ROBO2: variants seen among roughly 807,000 people sequenced by gnomAD.
The protein encoded by ROBO2 is roundabout guidance receptor 2, also known as roundabout homolog 2.
ROBO2 carries 53 observed loss-of-function variants against 160.8 expected under a neutral mutation model. The observed-to-expected ratio is 0.33, with a 90% CI of 0.26 to 0.41. The LOEUF is 0.41. Ranked by LOEUF, ROBO2 falls within the 10% of genes least tolerant of loss-of-function variation. ROBO2 has a pLI of 1.00. For missense variants in ROBO2, 1,577 were observed against 1,722.4 expected, an observed-to-expected ratio of 0.92 and a Z score of 1.49; for synonymous variants, 664 against 611.7, an observed-to-expected ratio of 1.09 and a Z score of -1.26.
At chr3:76,257,306 G>GTA (rs1384245652) in intron 2 of ROBO2, among the ~76,000 whole-genome samples, 1 of 152,054 alleles carries the variant, frequency 6.6e-6, no homozygotes, top group African/African-American at 2.4e-5. Context: ...ATGTGTGTGT[G>GTA]TGTGTGAACA....
chr3:76,367,271 C>T (rs966095075), intron 2 of ROBO2, among the ~76,000 whole-genome samples: 1 of 151,926 alleles, frequency 6.6e-6, no homozygotes, highest in Non-Finnish European at 1.5e-5. Context: ...CATTTGTCCC[C>T]CTCTCTATTG....
chr3:77,244,835 G>C (rs1227711600), intron 2 of ROBO2, among the ~76,000 whole-genome samples: 1 of 145,404 alleles, frequency 6.9e-6, no homozygotes, highest in Non-Finnish European at 1.5e-5. Flanking sequence ...CCGAGATCCT[G>C]CCATTGCACT....
intron 2 of ROBO2, among the ~76,000 whole-genome samples, chr3:77,108,199 C>T (rs950922452): frequency 3.4e-5 from 5 of 148,304 alleles, no homozygotes; most frequent in African/African-American, 1.3e-4. Flanking sequence ...TATGTATACA[C>T]ATATGCATAT....
chr3:76,920,143 A>C (rs1056888566), intron 2 of ROBO2, among the ~76,000 whole-genome samples: 1 of 151,712 alleles, frequency 6.6e-6, no homozygotes, highest in African/African-American at 2.4e-5. Context: ...CCGTTATTTT[A>C]TTTTTTCTGT....
In ROBO2 at chr3:76,995,781, C is replaced by T. The variant is rs192530548; in HGVS notation, c.110-102233C>T. On this transcript the variant is annotated intron_variant, in intron 2 of 26. Coordinates refer to the ROBO2 transcript ENST00000487694. ...GAAGTGTCTGTTCATATCGTTTGCCCACTTTTTGATGGGGTTGTTTGTTTT... is the reference window on the plus strand; with the variant it reads ...GAAGTGTCTGTTCATATCGTTTGCCTACTTTTTGATGGGGTTGTTTGTTTT... Among the ~76,000 whole-genome samples, 170 of 152,220 alleles carry T rather than the reference C, an allele frequency of 1.1e-3. 2 individuals are homozygous for T. The highest frequency in any genetic ancestry group is 3.9e-3 in the African/African-American group (160 of 41,540).
chr3:76,252,557 C>T (rs372273066), intron 2 of ROBO2, among the ~76,000 whole-genome samples: 1 of 151,682 alleles, frequency 6.6e-6, no homozygotes, highest in East Asian at 1.9e-4. Context: ...TGCATATTTA[C>T]ATATGCACAC....
intron 2 of ROBO2, among the ~76,000 whole-genome samples, chr3:76,091,546 A>G (rs1365034847): frequency 1.3e-5 from 2 of 152,136 alleles, no homozygotes; most frequent in Non-Finnish European, 2.9e-5. Flanking sequence ...ACCGGCTCTT[A>G]TCATATAATC....
intron 2 of ROBO2, among the ~76,000 whole-genome samples, chr3:76,551,063 G>A (rs981479436): frequency 6.6e-6 from 1 of 152,100 alleles, no homozygotes; most frequent in African/African-American, 2.4e-5. Context: ...AGCTCCAGGT[G>A]GAGTTGGTGG....
intron 14 of ROBO2, among the ~76,000 whole-genome samples, chr3:77,575,309 T>A (rs2093733616): frequency 6.6e-6 from 1 of 152,084 alleles, no homozygotes; most frequent in African/African-American, 2.4e-5. Flanking sequence ...GTTCATTTAG[T>A]AGTATCTCTT....
At position 76,786,867 on chromosome 3, in the gene ROBO2, T is replaced by A. The variant is rs192907662; in HGVS notation, c.110-311147T>A. Among the ~76,000 whole-genome samples the A allele has an allele frequency of 5.7e-3, 861 of 151,452 alleles. 1 individual carries two copies. Among genetic ancestry groups the A allele is most frequent in the Non-Finnish European group, 8.8e-3 (595 of 67,524 alleles). Reference sequence around the variant, plus strand: ...GCATTAGTCCATTCTCACACTGCTATAAAGAGCTACCTGATAAATTTCTAA... The same window carrying A: ...GCATTAGTCCATTCTCACACTGCTAAAAAGAGCTACCTGATAAATTTCTAA... On this transcript the variant is annotated intron_variant, in intron 2 of 26. Transcript: ENST00000487694.
At chr3:77,048,907 T>C (rs1169313451) in intron 1 of ROBO2, among the ~76,000 whole-genome samples, 2 of 152,224 alleles carry the variant, frequency 1.3e-5, no homozygotes, top group Non-Finnish European at 2.9e-5. Context: ...CCTTAGAACC[T>C]TACCAAAAAT....
chr3:76,751,262 G>C (rs1200663135), intron 2 of ROBO2, among the ~76,000 whole-genome samples: 1 of 152,116 alleles, frequency 6.6e-6, no homozygotes, highest in Non-Finnish European at 1.5e-5. Flanking sequence ...GCTGAAACCT[G>C]AAACTGGATC....
intron 2 of ROBO2, among the ~76,000 whole-genome samples, chr3:77,143,520 C>T (rs867165209): frequency 6.6e-6 from 1 of 151,984 alleles, no homozygotes; most frequent in Non-Finnish European, 1.5e-5. Flanking sequence ...AAATATAATT[C>T]ATGTACCATA....
At chr3:77,501,268 C>T (rs997404257) in intron 5 of ROBO2, among the ~76,000 whole-genome samples, 1 of 151,942 alleles carries the variant, frequency 6.6e-6, no homozygotes, top group Non-Finnish European at 1.5e-5. Flanking sequence ...AGACACTCTC[C>T]CCTGTACCTA....
At chr3:76,315,160 A>G (rs1345266821) in intron 2 of ROBO2, among the ~76,000 whole-genome samples, 1 of 152,194 alleles carries the variant, frequency 6.6e-6, no homozygotes, top group Non-Finnish European at 1.5e-5. Flanking sequence ...TGTCCCACCC[A>G]TTCTGGCACT....
At chr3:77,419,954 C>A (rs2077566950) in intron 2 of ROBO2, among the ~76,000 whole-genome samples, 1 of 152,086 alleles carries the variant, frequency 6.6e-6, no homozygotes, top group Non-Finnish European at 1.5e-5. Flanking sequence ...AACACCATGC[C>A]TTCTGAATCG....
At chr3:76,524,112 G>A (rs1417997785) in intron 2 of ROBO2, among the ~76,000 whole-genome samples, 5 of 151,860 alleles carry the variant, frequency 3.3e-5, no homozygotes, top group African/African-American at 1.2e-4. Context: ...TAATACATAA[G>A]CAACACAAAT....
intron 2 of ROBO2, among the ~76,000 whole-genome samples, chr3:76,159,565 A>G (rs1296943422): frequency 6.6e-6 from 1 of 152,180 alleles, no homozygotes; most frequent in Non-Finnish European, 1.5e-5. Context: ...AGCTGGGGAT[A>G]GCTGTCTCAG....
chr3:76,013,403 T>G (rs896695624), intron 2 of ROBO2, among the ~76,000 whole-genome samples: 1 of 149,348 alleles, frequency 6.7e-6, no homozygotes, highest in Non-Finnish European at 1.5e-5. Context: ...CTGGGCACGG[T>G]GGCTTATGTG....
Sources: gnomAD v4.1 joint callset for allele counts (sites outside exome capture counted in the v4.1 genomes callset) on GRCh38, gnomAD v4.1.1 for gene constraint, MANE v1.5 for transcripts, NCBI Gene and HGNC (gene_info 2026-07-23, HGNC 2026-07-21) for gene names.